The following ADRA1B variants were observed in gnomAD, a reference collection of about 807,000 sequenced individuals.
ADRA1B encodes the protein alpha-1B adrenergic receptor.
A neutral mutation model predicts 17.9 loss-of-function variants in ADRA1B; 17 were observed. That is an observed-to-expected ratio of 0.95 (90% CI 0.65 to 1.42). The LOEUF (loss-of-function observed/expected upper bound fraction) is 1.42. ADRA1B is among the 40% of genes most tolerant of loss of function. ADRA1B has a pLI of 0.00. For missense variants in ADRA1B, 681 were observed against 722.1 expected (o/e 0.94, Z 0.65); for synonymous variants, 366 against 327.6 (o/e 1.12, Z -1.27).
intron 1 of ADRA1B, among the ~76,000 whole-genome samples, chr5:159,905,881 G>C (rs1754157067): frequency 6.7e-6 from 1 of 149,864 alleles, no homozygotes; most frequent in Non-Finnish European, 1.5e-5. Flanking sequence ...TTTTGAGTCA[G>C]AGTCTTGCTC....
At position 159,872,937 on chromosome 5, in the gene ADRA1B, C is replaced by T. The variant is rs547490620; in HGVS notation, c.-256+7731C>T. 9.2e-4 allele frequency among the ~76,000 whole-genome samples: 139 copies of T among 151,782 alleles called. 2 individuals are homozygous for T. Among genetic ancestry groups the T allele is most frequent in the African/African-American group, 3.2e-3 (134 of 41,382 alleles). On this transcript the variant is annotated intron_variant, in intron 1 of 2. Coordinates refer to the ADRA1B transcript ENST00000641205. The stretch of plus-strand genomic sequence containing the variant: ...CTCTCCCTCCCCTTGCCCCCCACCC[C>T]CAAACAGGCCCCAGTGTGTGATGTT...
intron 1 of ADRA1B, among the ~76,000 whole-genome samples, chr5:159,967,865 G>A (rs542715257): frequency 1.3e-5 from 2 of 152,332 alleles, no homozygotes; most frequent in East Asian, 3.9e-4. Flanking sequence ...TACATTGTAA[G>A]AAAACAGAGG....
chr5:159,882,320 A>C (rs374384687), intron 1 of ADRA1B, among the ~76,000 whole-genome samples: 2 of 152,260 alleles, frequency 1.3e-5, no homozygotes. Context: ...GTGTACAGGA[A>C]TCCTTCCTGA....
intron 1 of ADRA1B, among the ~76,000 whole-genome samples, chr5:159,956,889 C>T (rs920355742): frequency 1.3e-4 from 20 of 151,612 alleles, no homozygotes; most frequent in Non-Finnish European, 2.9e-4. Context: ...TTTTTTTTTC[C>T]TGAGACAGGG....
chr5:159,966,177 G>A (rs1755773240), intron 1 of ADRA1B, among the ~76,000 whole-genome samples: 1 of 152,204 alleles, frequency 6.6e-6, no homozygotes, highest in Admixed American at 6.5e-5. Flanking sequence ...AATGATACAT[G>A]TAGTAAAATA....
At chr5:159,886,223 T>C (rs955717205) in intron 1 of ADRA1B, among the ~76,000 whole-genome samples, 7 of 152,256 alleles carry the variant, frequency 4.6e-5, no homozygotes, top group Non-Finnish European at 1.0e-4. Flanking sequence ...ACCCATAGTC[T>C]GCCTTAAATG....
intron 1 of ADRA1B, among the ~76,000 whole-genome samples, chr5:159,942,642 T>C (rs1015286282): frequency 6.6e-6 from 1 of 152,080 alleles, no homozygotes; most frequent in African/African-American, 2.4e-5. Flanking sequence ...GAGACCCTCA[T>C]CTCTACAAAC....
chr5:159,963,813 A>G (rs1026449899), intron 1 of ADRA1B, among the ~76,000 whole-genome samples: 1 of 152,202 alleles, frequency 6.6e-6, no homozygotes, highest in Non-Finnish European at 1.5e-5. Flanking sequence ...TGCTGGGGCC[A>G]TGTCCAGCCA....
chr5:159,951,031 T>A (rs1755424732), intron 1 of ADRA1B: 1 of 693,088 alleles, frequency 1.4e-6, no homozygotes, highest in Non-Finnish European at 2.7e-6. Flanking sequence ...CCAGGGGCAC[T>A]AAGCAGTTGG....
intron 1 of ADRA1B, among the ~76,000 whole-genome samples, chr5:159,876,484 C>T (rs1218662732): frequency 6.6e-6 from 1 of 152,200 alleles, no homozygotes; most frequent in East Asian, 1.9e-4. Context: ...TTTGCCAGAA[C>T]TAAACCACAT....
chr5:159,924,640 C>G (rs757469734), intron 1 of ADRA1B, among the ~76,000 whole-genome samples: 5 of 152,126 alleles, frequency 3.3e-5, no homozygotes, highest in Non-Finnish European at 7.3e-5. Context: ...GTGGCACCCA[C>G]CCCTGCTGGA....
At chr5:159,880,851 C>A (rs910882055) in intron 1 of ADRA1B, among the ~76,000 whole-genome samples, 2 of 152,178 alleles carry the variant, frequency 1.3e-5, no homozygotes, top group Admixed American at 1.3e-4. Flanking sequence ...AATATTTGTT[C>A]ATCACTGTAT....
intron 1 of ADRA1B, among the ~76,000 whole-genome samples, chr5:159,890,394 T>C (rs1753969435): frequency 6.6e-6 from 1 of 152,202 alleles, no homozygotes; most frequent in African/African-American, 2.4e-5. Context: ...TGCTGCATAA[T>C]AAATCACCTC....
At chr5:159,923,564 G>T (rs773151515) in intron 1 of ADRA1B, among the ~76,000 whole-genome samples, 6 of 152,250 alleles carry the variant, frequency 3.9e-5, no homozygotes, top group Non-Finnish European at 7.3e-5. Context: ...TGGGAAGGGG[G>T]AGCCTGAACA....
chr5:159,939,823 G>A (rs1284458898), intron 1 of ADRA1B, among the ~76,000 whole-genome samples: 2 of 152,148 alleles, frequency 1.3e-5, no homozygotes, highest in African/African-American at 4.8e-5. Flanking sequence ...CCCTCTGCCT[G>A]TAACACCCTT....
rs62377660 is a variant in ADRA1B at position 159,895,262 on chromosome 5, G to A, written c.-255-20857G>A. Among the ~76,000 whole-genome samples, 796 of 152,274 alleles carry A rather than the reference G, an allele frequency of 5.2e-3. 1 individual carries two copies. Among genetic ancestry groups the A allele is most frequent in the Admixed American group, 7.8e-3 (120 of 15,306 alleles). On this transcript the variant is annotated intron_variant, in intron 1 of 2. Coordinates refer to the ADRA1B transcript ENST00000641205. ...AGCAAGGATCACATGGACCCATTTC[G>A]CCAGCTTACCACATCCCAGGCCCAG...
At chr5:159,971,464 C>T (rs749731083) in intron 1 of ADRA1B, among the ~76,000 whole-genome samples, 38 of 152,112 alleles carry the variant, frequency 2.5e-4, no homozygotes, top group Non-Finnish European at 2.9e-5. Flanking sequence ...GGAAACAAGT[C>T]GGCATCTACT....
At chr5:159,873,875 C>T (rs1290799069) in intron 1 of ADRA1B, among the ~76,000 whole-genome samples, 1 of 152,162 alleles carries the variant, frequency 6.6e-6, no homozygotes, top group Non-Finnish European at 1.5e-5. Flanking sequence ...TGATCCATTG[C>T]TTCATTCCCC....
chr5:159,924,094 G>A (rs1298123832), intron 1 of ADRA1B, among the ~76,000 whole-genome samples: 1 of 152,212 alleles, frequency 6.6e-6, no homozygotes, highest in African/African-American at 2.4e-5. Flanking sequence ...TCTGAGATCT[G>A]GCACCCAGAG....
Sources: gnomAD v4.1 joint callset for allele counts (sites outside exome capture counted in the v4.1 genomes callset) on GRCh38, gnomAD v4.1.1 for gene constraint, MANE v1.5 for transcripts, NCBI Gene and HGNC (gene_info 2026-07-23, HGNC 2026-07-21) for gene names.